The following MTUS2 variants were observed in gnomAD, a reference collection of about 807,000 sequenced individuals.
MTUS2 encodes microtubule-associated tumor suppressor candidate 2.
A neutral mutation model predicts 114.1 loss-of-function variants in MTUS2; 40 were observed. The observed-to-expected ratio is 0.35, with a 90% CI of 0.27 to 0.46. The LOEUF (loss-of-function observed/expected upper bound fraction) is 0.46. Ranked by LOEUF, MTUS2 falls within the 20% of genes least tolerant of loss-of-function variation. The pLI is 1.00. For synonymous variants in MTUS2, 688 were observed against 672.0 expected, an observed-to-expected ratio of 1.02 and a Z score of -0.37; for missense variants, 1,679 against 1,705.4, an observed-to-expected ratio of 0.98 and a Z score of 0.27.
At position 28,898,490 on chromosome 13, in the gene MTUS2, G is replaced by A. The variant is rs871079; in HGVS notation, c.-243+58640G>A. 2.1e-3 allele frequency among the ~76,000 whole-genome samples: 319 copies of A among 152,314 alleles called. 1 individual carries two copies. Among genetic ancestry groups the A allele is most frequent in the African/African-American group, 7.4e-3 (308 of 41,568 alleles). The stretch of plus-strand genomic sequence containing the variant: ...CATCCTGAACATCACACCGAAGATA[G>A]CATTATTTTTCTGAATCCATTGTAA... On this transcript the variant is annotated intron_variant, in intron 2 of 15. Coordinates refer to ENST00000612955, the MANE Select transcript of MTUS2 (RefSeq NM_001033602.4).
chr13:28,858,424 T>C (rs75193867), intron 2 of MTUS2, among the ~76,000 whole-genome samples: 2,453 of 152,212 alleles, frequency 0.016, 77 homozygotes, highest in African/African-American at 0.056. Context: ...TATTTAAACT[T>C]GTATCTCTAC....
chr13:29,467,953 A>C (rs1462329948), intron 9 of MTUS2, among the ~76,000 whole-genome samples: 1 of 152,046 alleles, frequency 6.6e-6, no homozygotes, highest in Admixed American at 6.6e-5. Flanking sequence ...TGTCTCTACA[A>C]GAAAATACAA....
At chr13:29,501,269 C>T in intron 15 of MTUS2, 75 bp downstream of exon 15, 1 of 1,121,440 alleles carries the variant, frequency 8.9e-7, no homozygotes, top group South Asian at 1.3e-5. Context: ...CAGTTTCCCT[C>T]ACTCTGGCCT....
chr13:28,991,435 C>A (rs894058659), intron 2 of MTUS2, among the ~76,000 whole-genome samples: 3 of 146,416 alleles, frequency 2.0e-5, no homozygotes, highest in Admixed American at 7.0e-5. Flanking sequence ...GTGGTGCGAT[C>A]TTGGCTCACT....
At position 29,219,433 on chromosome 13, in the gene MTUS2, A is replaced by G. The variant is rs563270030; in HGVS notation, c.2645-62271A>G. On this transcript the variant is annotated intron_variant, in intron 5 of 15. Transcript: ENST00000612955. ...TTGTGAATAATGCCGCAATAAACAT[A>G]CGTGTGCATGTGTGTTTATAGCAGC... is the stretch of plus-strand genomic sequence containing the variant. 3.3e-5 allele frequency among the ~76,000 whole-genome samples: 5 copies of G among 151,744 alleles called. No individual in the cohort carries two copies. The South Asian group carries it at 6.3e-4, about 19-fold the overall frequency.
intron 2 of MTUS2, among the ~76,000 whole-genome samples, chr13:28,953,606 T>C (rs994894781): frequency 6.6e-6 from 1 of 152,268 alleles, no homozygotes; most frequent in Admixed American, 6.5e-5. Context: ...TGATATCTTT[T>C]GCTTTTGCAA....
At chr13:29,307,472 C>T (rs1167914235) in intron 6 of MTUS2, 2 of 1,325,884 alleles carry the variant, frequency 1.5e-6, no homozygotes, top group African/African-American at 1.4e-5. Context: ...ACTGGCATGG[C>T]CTTCTGTGTC....
intron 8 of MTUS2, among the ~76,000 whole-genome samples, chr13:29,400,852 C>T (rs1874277488): frequency 6.6e-6 from 1 of 152,212 alleles, no homozygotes; most frequent in Non-Finnish European, 1.5e-5. Flanking sequence ...TGCTATTCCT[C>T]AAAGAGAGAA....
intron 7 of MTUS2, among the ~76,000 whole-genome samples, chr13:29,340,352 A>G (rs1243373636): frequency 6.6e-6 from 1 of 152,246 alleles, no homozygotes; most frequent in African/African-American, 2.4e-5. Context: ...GCCTGTTGAC[A>G]GAAGGGTGCT....
intron 15 of MTUS2, 86 bp from the exon 16 acceptor site, chr13:29,502,907 C>G: frequency 1.5e-6 from 2 of 1,367,698 alleles, no homozygotes; most frequent in Non-Finnish European, 2.1e-6. Context: ...TCATGGCCTC[C>G]TCCCTTTGCC....
At chr13:28,835,946 CTT>C (rs1875052721) in intron 1 of MTUS2, among the ~76,000 whole-genome samples, 1 of 151,674 alleles carries the variant, frequency 6.6e-6, no homozygotes, top group African/African-American at 2.4e-5. Flanking sequence ...CTGCAGTAGT[CTT>C]TGATGCTCTG....
chr13:29,389,720 CATACAT>C lies in MTUS2; in HGVS notation c.3117+30250_3117+30255del, dbSNP rs1294490859. 9.9e-5 allele frequency among the ~76,000 whole-genome samples: 10 copies of C among 101,370 alleles called. 1 individual carries two copies. Among genetic ancestry groups the C allele is most frequent in the African/African-American group, 3.8e-4 (10 of 26,114 alleles). 66.5% of individuals were successfully genotyped at this position (101,370 alleles called of 152,430 possible). A position where few individuals can be genotyped will look rare whatever the true frequency, so the allele number is the denominator to read the frequency against. ...GTGTATATGTGTATATGTATATATA[CATACAT>C]ATGTGTGTATATGTATATACATACA... On this transcript the variant is annotated intron_variant, in intron 8 of 15. Transcript: ENST00000612955.
chr13:29,157,060 G>A (rs7330035), intron 5 of MTUS2, among the ~76,000 whole-genome samples: 59,627 of 151,942 alleles, frequency 0.39, 13,753 homozygotes, highest in Non-Finnish European at 0.48. Flanking sequence ...GTTCATATAC[G>A]CAGCTCTTAT....
chr13:29,397,427 C>T (rs762410815), intron 8 of MTUS2, among the ~76,000 whole-genome samples: 2 of 152,184 alleles, frequency 1.3e-5, no homozygotes, highest in Non-Finnish European at 2.9e-5. Flanking sequence ...CTCATTCCCC[C>T]CATAACCAGT....
At position 28,833,080 on chromosome 13, in the gene MTUS2, A is replaced by ATT. The variant is rs142959313; in HGVS notation, c.-315-6694_-315-6693dup. ...AAGGAGATTGAATTAGTAATCAAAT[A>ATT]TTTTTCCATGAAGAAAAGCCCAGGC... is the stretch of plus-strand genomic sequence containing the variant. On this transcript the variant is annotated intron_variant, in intron 1 of 15. Transcript: ENST00000612955. Among the ~76,000 whole-genome samples, 591 of 152,256 alleles carry ATT rather than the reference A, an allele frequency of 3.9e-3. 1 individual carries two copies. The highest frequency in any genetic ancestry group is 0.013 in the African/African-American group (544 of 41,578).
intron 2 of MTUS2, among the ~76,000 whole-genome samples, chr13:29,008,333 T>G (rs763781854): frequency 1.3e-4 from 20 of 152,206 alleles, no homozygotes; most frequent in Non-Finnish European, 2.9e-4. Context: ...CTTGGAACAC[T>G]TAATAAATGC....
At chr13:28,876,621 T>G (rs897340821) in intron 2 of MTUS2, among the ~76,000 whole-genome samples, 1 of 152,206 alleles carries the variant, frequency 6.6e-6, no homozygotes, top group Non-Finnish European at 1.5e-5. Flanking sequence ...TCACCCTCTT[T>G]GTGGGTCTTT....
rs77243009 is a variant in MTUS2 at position 29,359,008 on chromosome 13, G to A, written c.2906-254G>A. Among the ~76,000 whole-genome samples the A allele has an allele frequency of 1.3e-3, 197 of 150,250 alleles. 7 individuals are homozygous for A. In the East Asian group the frequency reaches 0.031, roughly 24 times the overall value. Reference sequence around the variant, plus strand: ...TCCAAGCAAGCCTAGAAGAAGTGTCGGAAGCTGGAAGGAATTTGGCAATTT... The same window carrying A: ...TCCAAGCAAGCCTAGAAGAAGTGTCAGAAGCTGGAAGGAATTTGGCAATTT... On this transcript the variant is annotated intron_variant, in intron 7 of 15. Coordinates refer to ENST00000612955, the MANE Select transcript of MTUS2 (RefSeq NM_001033602.4).
chr13:29,028,755 G>A (rs539324863), intron 3 of MTUS2, among the ~76,000 whole-genome samples: 2 of 152,144 alleles, frequency 1.3e-5, no homozygotes, highest in Admixed American at 6.5e-5. Context: ...AACTCCATGA[G>A]GGAAGGGATT....
Sources: allele counts gnomAD v4.1 joint callset (sites outside exome capture counted in the v4.1 genomes callset), GRCh38; gene constraint gnomAD v4.1.1; transcripts MANE v1.5; gene names NCBI Gene and HGNC (gene_info 2026-07-23, HGNC 2026-07-21).